FRMD6: variants seen among roughly 807,000 people sequenced by gnomAD.
FRMD6 encodes the protein FERM domain-containing protein 6.
A neutral mutation model predicts 73.2 loss-of-function variants in FRMD6; 37 were observed. That is an observed-to-expected ratio of 0.51 (90% CI 0.39 to 0.66). The LOEUF is 0.66. FRMD6 is among the 30% of genes least tolerant of loss of function. FRMD6 has a pLI of 0.00. For missense variants in FRMD6, 714 were observed against 780.5 expected, an observed-to-expected ratio of 0.91 and a Z score of 1.02; for synonymous variants, 273 against 282.2, an observed-to-expected ratio of 0.97 and a Z score of 0.33.
chr14:51,720,454 T>A, intron 11 of FRMD6, 64 bp downstream of exon 11: 1 of 1,488,594 alleles, frequency 6.7e-7, no homozygotes, highest in Non-Finnish European at 9.3e-7. Flanking sequence ...GCATTGGTTC[T>A]ATAGAACTGG....
intron 1 of FRMD6, among the ~76,000 whole-genome samples, chr14:51,521,676 A>G (rs990864244): frequency 6.6e-6 from 1 of 152,122 alleles, no homozygotes; most frequent in African/African-American, 2.4e-5. Flanking sequence ...ACCCTATGCA[A>G]GAAGTAGGTC....
intron 1 of FRMD6, among the ~76,000 whole-genome samples, chr14:51,563,718 GATGTAATGC>G (rs1887616407): frequency 6.6e-6 from 1 of 152,148 alleles, no homozygotes; most frequent in Non-Finnish European, 1.5e-5. Context: ...ATACAACTTT[GATGTAATGC>G]ATAGCTCAGT....
At chr14:51,656,720 A>G (rs1892861693) in intron 1 of FRMD6, among the ~76,000 whole-genome samples, 1 of 152,004 alleles carries the variant, frequency 6.6e-6, no homozygotes, top group Non-Finnish European at 1.5e-5. Context: ...CTAGCATGGC[A>G]TTTTCTTGAA....
At chr14:51,418,662 A>G in the FRMD6 span, among the ~76,000 whole-genome samples, 10 of 152,242 alleles carry the variant, frequency 6.6e-5, no homozygotes, top group Non-Finnish European at 1.0e-4. Flanking sequence ...CAGTCTGTCC[A>G]TTCTCTGAGC....
intron 2 of FRMD6, among the ~76,000 whole-genome samples, chr14:51,601,527 A>G (rs1305449487): frequency 6.6e-6 from 1 of 152,216 alleles, no homozygotes; most frequent in Non-Finnish European, 1.5e-5. Context: ...GTCATATGCT[A>G]AAGGACTCAT....
At chr14:51,502,129 T>G (rs1235319443) in intron 1 of FRMD6, among the ~76,000 whole-genome samples, 1 of 152,058 alleles carries the variant, frequency 6.6e-6, no homozygotes, top group East Asian at 1.9e-4. Flanking sequence ...CCTTCAAAAT[T>G]TTTTCCCATT....
intron 2 of FRMD6, among the ~76,000 whole-genome samples, chr14:51,695,747 C>T (rs1243914516): frequency 2.0e-5 from 3 of 152,128 alleles, no homozygotes; most frequent in African/African-American, 7.2e-5. Flanking sequence ...AAGCAGCTCA[C>T]TTGGTGCTAC....
rs1383604597 is a variant in FRMD6, at chr14:51,725,859, T to A, written c.1573T>A (p.Ser525Thr). The A allele has an allele frequency of 1.9e-6, 3 of 1,612,050 alleles. No homozygotes were observed. In the South Asian group the frequency reaches 3.3e-5, roughly 18 times the overall value. ...TAAGCTTCGTGGCCAGAGTACTGAT[T>A]CTCTTCCACAGGTATTAAAGGAATT... The part of the protein sequence containing the change: ...VVKLRGQSTD[S>T]LPQTICRKPK... Residue 525 changes from serine to threonine, a missense_variant, in exon 13 of 14, where the codon TCT (serine) becomes ACT (threonine). Coordinates refer to ENST00000344768, the MANE Select transcript of FRMD6 (RefSeq NM_001267046.2).
the FRMD6 span, among the ~76,000 whole-genome samples, chr14:51,402,426 T>A: frequency 6.6e-6 from 1 of 152,136 alleles, no homozygotes; most frequent in East Asian, 1.9e-4. Flanking sequence ...GTTCTCATGA[T>A]AGTGAGTGGG....
chr14:51,696,305 A>C (rs1286678136), intron 2 of FRMD6, among the ~76,000 whole-genome samples: 2 of 151,574 alleles, frequency 1.3e-5, no homozygotes. Flanking sequence ...TGAAGTCAAC[A>C]AGATAGAATC....
chr14:51,479,586 A>G, the FRMD6 span, among the ~76,000 whole-genome samples: 1 of 152,260 alleles, frequency 6.6e-6, no homozygotes, highest in East Asian at 1.9e-4. Flanking sequence ...AACAGGAATA[A>G]TAAAACTATT....
At chr14:51,507,623 G>C (rs1020123487) in intron 1 of FRMD6, among the ~76,000 whole-genome samples, 1 of 152,176 alleles carries the variant, frequency 6.6e-6, no homozygotes, top group African/African-American at 2.4e-5. Context: ...AGTAGCTTCT[G>C]AAGCGGAGGA....
chr14:51,546,396 CT>C (rs11413471), intron 1 of FRMD6, among the ~76,000 whole-genome samples: 13 of 129,422 alleles, frequency 1.0e-4, no homozygotes, highest in Non-Finnish European at 1.9e-4. Flanking sequence ...AAGAGAAACT[CT>C]TTTTTTTTTC....
At chr14:51,471,433 G>A in the FRMD6 span, among the ~76,000 whole-genome samples, 2 of 151,602 alleles carry the variant, frequency 1.3e-5, no homozygotes, top group East Asian at 1.9e-4. Flanking sequence ...CCCAGGAGGC[G>A]GAGCTTGCAG....
At chr14:51,682,418 A>G (rs1460536397) in intron 1 of FRMD6, among the ~76,000 whole-genome samples, 2 of 152,126 alleles carry the variant, frequency 1.3e-5, no homozygotes, top group Non-Finnish European at 2.9e-5. Flanking sequence ...AGAGATAGGA[A>G]ACAGTGAATT....
chr14:51,657,679 G>T (rs1892932992), intron 1 of FRMD6, among the ~76,000 whole-genome samples: 1 of 152,144 alleles, frequency 6.6e-6, no homozygotes, highest in East Asian at 1.9e-4. Context: ...GCACTTTGGG[G>T]TTGAAAGCAG....
At chr14:51,682,869 T>C (rs1219240131) in intron 1 of FRMD6, among the ~76,000 whole-genome samples, 1 of 152,192 alleles carries the variant, frequency 6.6e-6, no homozygotes, top group Admixed American at 6.5e-5. Context: ...TGAACCCTGT[T>C]TGGCCAGCTG....
At chr14:51,573,119 G>A (rs1279118186) in intron 2 of FRMD6, among the ~76,000 whole-genome samples, 7 of 152,264 alleles carry the variant, frequency 4.6e-5, no homozygotes, top group Non-Finnish European at 7.4e-5. Flanking sequence ...TTGATTTTGG[G>A]GAAGACTCAG....
intron 1 of FRMD6, among the ~76,000 whole-genome samples, chr14:51,680,400 CATTTA>C (rs1894714997): frequency 6.6e-6 from 1 of 152,152 alleles, no homozygotes; most frequent in South Asian, 2.1e-4. Context: ...TACAGTTTAG[CATTTA>C]ATTTAAGATG....
Sources: allele counts gnomAD v4.1 joint callset (sites outside exome capture counted in the v4.1 genomes callset), GRCh38; gene constraint gnomAD v4.1.1; transcripts MANE v1.5; gene names NCBI Gene and HGNC (gene_info 2026-07-23, HGNC 2026-07-21).